PEX7: variants seen among roughly 807,000 people sequenced by gnomAD.
The protein encoded by PEX7 is PTS2 receptor.
A neutral mutation model predicts 47.5 loss-of-function variants in PEX7; 34 were observed. That is an observed-to-expected ratio of 0.72 (90% CI 0.54 to 0.95). The LOEUF is 0.95. Among genes scored for constraint, PEX7 ranks in the 40% least tolerant of loss-of-function variants. PEX7 has a pLI of 0.00. For missense variants in PEX7, 394 were observed against 400.3 expected, an observed-to-expected ratio of 0.98 and a Z score of 0.13; for synonymous variants, 141 against 148.8, an observed-to-expected ratio of 0.95 and a Z score of 0.38.
intron 5 of PEX7, among the ~76,000 whole-genome samples, chr6:136,858,670 A>G (rs1021256128): frequency 3.9e-5 from 6 of 152,248 alleles, no homozygotes; most frequent in East Asian, 3.8e-4. Context: ...TGAGATGCCA[A>G]ATTGACAGCT....
chr6:136,846,207 G>A (rs763907672), intron 5 of PEX7, 26 bp downstream of exon 5: 5 of 1,468,008 alleles, frequency 3.4e-6, no homozygotes, highest in Non-Finnish European at 4.8e-6. Context: ...TTTACCAAAA[G>A]CCTTACTTGT....
intron 3 of PEX7, among the ~76,000 whole-genome samples, chr6:136,842,788 T>C (rs1468912361): frequency 6.6e-6 from 1 of 152,182 alleles, no homozygotes; most frequent in Non-Finnish European, 1.5e-5. Flanking sequence ...AAATAAAATA[T>C]GGTAAATGCT....
chr6:136,890,165 C>T (rs1313188817), intron 8 of PEX7, among the ~76,000 whole-genome samples: 2 of 152,208 alleles, frequency 1.3e-5, no homozygotes, highest in South Asian at 2.1e-4. Flanking sequence ...GAATGAACCA[C>T]GTGGAGATTT....
chr6:136,890,947 T>C (rs193037209), intron 8 of PEX7, among the ~76,000 whole-genome samples: 1 of 152,320 alleles, frequency 6.6e-6, no homozygotes, highest in African/African-American at 2.4e-5. Context: ...ATTTCATGAG[T>C]AGAGTTCTTC....
At chr6:136,823,890 C>CA (rs954393146) in intron 1 of PEX7, among the ~76,000 whole-genome samples, 5 of 151,708 alleles carry the variant, frequency 3.3e-5, no homozygotes, top group Admixed American at 6.6e-5. Context: ...AACTCCGTCT[C>CA]AAAAAAAAGA....
intron 5 of PEX7, among the ~76,000 whole-genome samples, chr6:136,866,300 A>G (rs1775070987): frequency 6.6e-6 from 1 of 152,132 alleles, no homozygotes; most frequent in Admixed American, 6.6e-5. Flanking sequence ...GTACAGAGTG[A>G]TCACTTTATT....
In PEX7 at chr6:136,900,863, T is replaced by G; in HGVS notation, c.903+2622T>G. 3.5e-6 allele frequency: 1 copy of G among 282,678 alleles called. No individual in the cohort carries two copies. The highest frequency in any genetic ancestry group is 6.8e-6 in the Non-Finnish European group (1 of 147,936). The allele number at this position is 282,678 out of a possible 1,614,324, so 17.5% of individuals were successfully genotyped here. On this transcript the variant is annotated intron_variant, in intron 9 of 9. Transcript: ENST00000318471. This position sits in a 1 kb window ranked among gnomAD's most constrained non-coding sequence, Gnocchi z 4.2. ...CTTCTCTTGCTTTGTCTCTGGTCTG[T>G]ATTATGGGCCAGCTTATGTAGTTGA...
chr6:136,833,762 A>C (rs1774336599), intron 3 of PEX7, among the ~76,000 whole-genome samples: 1 of 152,230 alleles, frequency 6.6e-6, no homozygotes, highest in South Asian at 2.1e-4. Flanking sequence ...TGCCATTAGG[A>C]TGTGATATGT....
intron 8 of PEX7, among the ~76,000 whole-genome samples, chr6:136,876,948 CCCA>C (rs1775285393): frequency 1.3e-5 from 2 of 152,208 alleles, no homozygotes; most frequent in Admixed American, 1.3e-4. Flanking sequence ...AATTTACACT[CCCA>C]CCAACAGTGT....
chr6:136,874,812 C>A (rs1775241748), intron 8 of PEX7, among the ~76,000 whole-genome samples: 1 of 149,490 alleles, frequency 6.7e-6, no homozygotes, highest in African/African-American at 2.5e-5. Context: ...TGTTATTTTT[C>A]TTCAGCAGGC....
In PEX7 at chr6:136,858,783, G is replaced by A. The variant is rs909177630; in HGVS notation, c.527-7844G>A. Among the ~76,000 whole-genome samples, 5 of 152,312 alleles carry A rather than the reference G, an allele frequency of 3.3e-5. No homozygotes were observed. In the South Asian group the frequency reaches 8.3e-4, roughly 25 times the overall value. On this transcript the variant is annotated intron_variant, in intron 5 of 9. Coordinates refer to ENST00000318471, the MANE Select transcript of PEX7 (RefSeq NM_000288.4). The stretch of plus-strand genomic sequence containing the variant: ...GAATGGTTTCAGTGCCGAATTCAGA[G>A]AAGTGGTTGCTTTAGTTGGAGAACT...
intron 5 of PEX7, among the ~76,000 whole-genome samples, chr6:136,860,173 GAA>G (rs1280317903): frequency 1.3e-5 from 2 of 152,068 alleles, no homozygotes; most frequent in African/African-American, 2.4e-5. Flanking sequence ...AAATTCAATT[GAA>G]AAAACAATAT....
intron 3 of PEX7, among the ~76,000 whole-genome samples, chr6:136,827,680 G>A (rs1379391643): frequency 6.6e-6 from 1 of 151,946 alleles, no homozygotes. Context: ...TTACAGACGT[G>A]CGCCACCGTG....
At chr6:136,838,460 A>G (rs1774435573) in intron 3 of PEX7, among the ~76,000 whole-genome samples, 1 of 152,224 alleles carries the variant, frequency 6.6e-6, no homozygotes, top group Admixed American at 6.5e-5. Context: ...CAGGAGGAGG[A>G]CTGTCCTAGC....
chr6:136,878,450 G>C (rs1476952128), intron 8 of PEX7, among the ~76,000 whole-genome samples: 1 of 152,112 alleles, frequency 6.6e-6, no homozygotes, highest in Admixed American at 6.6e-5. Context: ...TTTGTCATAA[G>C]TAGCTCTTAT....
At position 136,902,282 on chromosome 6, in the gene PEX7, G is replaced by A. The variant is rs531736647; in HGVS notation, c.903+4041G>A. 2.0e-5 allele frequency among the ~76,000 whole-genome samples: 3 copies of A among 152,248 alleles called. No individual in the cohort carries two copies. The South Asian group carries it at 6.2e-4, about 32-fold the overall frequency. On this transcript the variant is annotated intron_variant, in intron 9 of 9. Coordinates refer to ENST00000318471, the MANE Select transcript of PEX7 (RefSeq NM_000288.4). ...ATCTTAGCAGCTGTAGGACCTTGCT[G>A]ATGTTACTTTAAGGCTCTGTGTTTT... is the stretch of plus-strand genomic sequence containing the variant.
At chr6:136,886,199 G>A (rs1480206247) in intron 8 of PEX7, among the ~76,000 whole-genome samples, 2 of 152,126 alleles carry the variant, frequency 1.3e-5, no homozygotes, top group Admixed American at 6.6e-5. Context: ...AGAGAAGTAC[G>A]AATTGGGGAT....
intron 5 of PEX7, among the ~76,000 whole-genome samples, chr6:136,850,927 T>TG (rs201413855): frequency 0.015 from 2,241 of 148,772 alleles, 78 homozygotes; most frequent in African/African-American, 0.053. Context: ...GTTTTTTTTT[T>TG]TTTTTTTTTT....
chr6:136,836,546 T>G (rs1774387657), intron 3 of PEX7, among the ~76,000 whole-genome samples: 1 of 152,188 alleles, frequency 6.6e-6, no homozygotes, highest in African/African-American at 2.4e-5. Context: ...AGCACATTAA[T>G]CTAAAGATCT....
Sources: gnomAD v4.1 joint callset for allele counts (sites outside exome capture counted in the v4.1 genomes callset) on GRCh38, gnomAD v4.1.1 for gene constraint, Gnocchi (gnomAD v3.1) non-coding constraint, MANE v1.5 for transcripts, NCBI Gene and HGNC (gene_info 2026-07-23, HGNC 2026-07-21) for gene names.